Variants in LARGE1 observed in about 807,000 individuals in gnomAD.
The protein encoded by LARGE1 is LARGE xylosyl- and glucuronyltransferase 1.
Under a neutral mutation model 87.6 loss-of-function variants are expected in LARGE1, and 43 were observed. The observed-to-expected ratio is 0.49, with a 90% CI of 0.38 to 0.63. The LOEUF (loss-of-function observed/expected upper bound fraction) is 0.63. Among genes scored for constraint, LARGE1 ranks in the 30% least tolerant of loss-of-function variants. LARGE1 has a pLI of 0.00. For synonymous variants in LARGE1, 434 were observed against 394.6 expected (o/e 1.10, Z -1.18); for missense variants, 802 against 1,000.2 (o/e 0.80, Z 2.67).
intron 11 of LARGE1, among the ~76,000 whole-genome samples, chr22:33,242,454 A>G (rs764606628): frequency 1.2e-3 from 179 of 152,194 alleles, no homozygotes; most frequent in Non-Finnish European, 1.8e-4. Flanking sequence ...AGAATTGCAC[A>G]CTGTTAGGTG....
chr22:33,077,967 C>T, the LARGE1 span, among the ~76,000 whole-genome samples: 2 of 151,784 alleles, frequency 1.3e-5, no homozygotes, highest in East Asian at 3.9e-4. Context: ...AACTAGTCTC[C>T]TTTTGAGTGA....
chr22:33,342,047 G>A (rs1939207355), intron 9 of LARGE1, among the ~76,000 whole-genome samples: 1 of 152,164 alleles, frequency 6.6e-6, no homozygotes, highest in Non-Finnish European at 1.5e-5. Flanking sequence ...TGTGCAATAT[G>A]TGCTTTTCTT....
At chr22:33,919,937 G>C (rs951342289) in intron 1 of LARGE1, 58 bp downstream of exon 1, 4 of 152,306 alleles carry the variant, frequency 2.6e-5, no homozygotes, top group Admixed American at 2.6e-4. Flanking sequence ...CGGAGAACTT[G>C]TCCGGCGCTA....
At chr22:33,364,142 C>T (rs559317701) in intron 9 of LARGE1, among the ~76,000 whole-genome samples, 5 of 151,894 alleles carry the variant, frequency 3.3e-5, no homozygotes, top group South Asian at 4.2e-4. Flanking sequence ...GCAAACTCCG[C>T]CCCCCGGGTT....
At chr22:33,883,636 T>A (rs999643211) in intron 1 of LARGE1, among the ~76,000 whole-genome samples, 1 of 152,242 alleles carries the variant, frequency 6.6e-6, no homozygotes, top group Non-Finnish European at 1.5e-5. Context: ...CTTGCGCCCT[T>A]CCAGGCACAC....
chr22:33,567,581 T>G (rs763961711), intron 5 of LARGE1, among the ~76,000 whole-genome samples: 1 of 152,200 alleles, frequency 6.6e-6, no homozygotes, highest in Non-Finnish European at 1.5e-5. Context: ...GAGTTTCTGC[T>G]ATTTATAAAG....
chr22:33,321,617 C>T (rs889973594), intron 10 of LARGE1, among the ~76,000 whole-genome samples: 3 of 152,140 alleles, frequency 2.0e-5, no homozygotes, highest in Admixed American at 1.3e-4. Context: ...GAATGAAGGG[C>T]TTCCAGTTCA....
intron 2 of LARGE1, among the ~76,000 whole-genome samples, chr22:33,726,624 T>C (rs1180309563): frequency 1.3e-5 from 2 of 152,244 alleles, no homozygotes; most frequent in African/African-American, 4.8e-5. Context: ...AACAGCCACC[T>C]GTGCCAAGCA....
chr22:33,476,583 C>T (rs1025129105), intron 6 of LARGE1, among the ~76,000 whole-genome samples: 3 of 152,212 alleles, frequency 2.0e-5, no homozygotes, highest in South Asian at 4.1e-4. Context: ...ATGTCCTTAA[C>T]CTTGGCAAAA....
At chr22:33,449,503 G>A (rs2067824601) in intron 6 of LARGE1, among the ~76,000 whole-genome samples, 1 of 152,180 alleles carries the variant, frequency 6.6e-6, no homozygotes, top group African/African-American at 2.4e-5. Context: ...TCTAAAATTT[G>A]CAATCAAGCA....
chr22:33,287,742 C>T (rs1238278938), intron 12 of LARGE1, among the ~76,000 whole-genome samples: 3 of 152,128 alleles, frequency 2.0e-5, no homozygotes, highest in Non-Finnish European at 2.9e-5. Context: ...TGGGGCAGGA[C>T]GATGAGTGAG....
At chr22:33,396,090 T>C (rs1176542871) in intron 7 of LARGE1, among the ~76,000 whole-genome samples, 1 of 152,236 alleles carries the variant, frequency 6.6e-6, no homozygotes. Flanking sequence ...ATTTGCTCCT[T>C]AGTCCTTCAG....
downstream of LARGE1, among the ~76,000 whole-genome samples, chr22:33,157,444 G>A (rs2146111742): frequency 6.6e-6 from 1 of 152,230 alleles, no homozygotes; most frequent in Admixed American, 6.5e-5. Flanking sequence ...TGTTGCACAT[G>A]GCCTGGCCCC....
At chr22:33,632,685 C>T (rs2080147730) in intron 3 of LARGE1, among the ~76,000 whole-genome samples, 1 of 152,020 alleles carries the variant, frequency 6.6e-6, no homozygotes, top group African/African-American at 2.4e-5. Context: ...CAGTAACTTG[C>T]CAGGACCTGA....
At chr22:33,475,939 T>G (rs556167821) in intron 6 of LARGE1, among the ~76,000 whole-genome samples, 1 of 152,298 alleles carries the variant, frequency 6.6e-6, no homozygotes, top group Admixed American at 6.5e-5. Context: ...CCAAAATCAC[T>G]AAGCCAAAGA....
intron 4 of LARGE1, among the ~76,000 whole-genome samples, chr22:33,614,873 TAGAG>T (rs959066710): frequency 3.3e-5 from 5 of 152,228 alleles, no homozygotes; most frequent in African/African-American, 1.2e-4. Flanking sequence ...CCCCAGCGCT[TAGAG>T]AGCATCTAGC....
chr22:33,353,485 C>T (rs1431490986), intron 9 of LARGE1, among the ~76,000 whole-genome samples: 2 of 151,242 alleles, frequency 1.3e-5, no homozygotes, highest in African/African-American at 4.9e-5. Flanking sequence ...CCTTTGTCAG[C>T]AAATATTGCA....
chr22:33,299,302 GA>G (rs1569027676), intron 12 of LARGE1, among the ~76,000 whole-genome samples: 1 of 150,176 alleles, frequency 6.7e-6, no homozygotes, highest in Non-Finnish European at 1.5e-5. Flanking sequence ...GGAAGGGAAG[GA>G]AAGGAGTGGA....
intron 6 of LARGE1, among the ~76,000 whole-genome samples, chr22:33,531,351 T>C (rs991726238): frequency 6.6e-6 from 1 of 151,230 alleles, no homozygotes; most frequent in South Asian, 2.1e-4. Context: ...AGAGACAGGG[T>C]TTCACCACGT....
Sources: gnomAD v4.1 joint callset for allele counts (sites outside exome capture counted in the v4.1 genomes callset) on GRCh38, gnomAD v4.1.1 for gene constraint, MANE v1.5 for transcripts, NCBI Gene and HGNC (gene_info 2026-07-23, HGNC 2026-07-21) for gene names.